Variants in BRD10 observed in about 807,000 individuals in gnomAD.
BRD10 encodes the protein uncharacterized bromodomain-containing protein 10.
chr9:5,952,061 C>CTATTT, the BRD10 span, among the ~76,000 whole-genome samples: 1 of 149,074 alleles, frequency 6.7e-6, no homozygotes, highest in Non-Finnish European at 1.5e-5. Context: ...TCCCTCATTG[C>CTATTT]CCAGCCTGGA....
At chr9:5,922,514 G>T in the BRD10 span, 88 of 1,613,888 alleles carry the variant, frequency 5.5e-5, no homozygotes, top group Non-Finnish European at 6.8e-5. Context: ...TAGTTGGGTA[G>T]AAACAGTTCC....
chr9:5,965,264 T>C, the BRD10 span, among the ~76,000 whole-genome samples: 1 of 151,740 alleles, frequency 6.6e-6, no homozygotes, highest in Non-Finnish European at 1.5e-5. Flanking sequence ...TTCTACAGAA[T>C]ACACAGGTTA....
At chr9:5,907,916 G>A in the BRD10 span, among the ~76,000 whole-genome samples, 3 of 152,224 alleles carry the variant, frequency 2.0e-5, no homozygotes, top group African/African-American at 7.2e-5. Context: ...TAGTGCCACT[G>A]CACTCCAGCC....
the BRD10 span, among the ~76,000 whole-genome samples, chr9:5,932,625 C>G: frequency 6.6e-6 from 1 of 152,128 alleles, no homozygotes; most frequent in African/African-American, 2.4e-5. Context: ...ATATAAGGCA[C>G]TCGAACATAC....
the BRD10 span, among the ~76,000 whole-genome samples, chr9:5,993,334 A>C: frequency 3.0e-4 from 44 of 148,936 alleles, no homozygotes; most frequent in Non-Finnish European, 5.7e-4. Context: ...AAAAAAAAAA[A>C]AACAACTAAA....
At chr9:5,903,299 G>A in the BRD10 span, among the ~76,000 whole-genome samples, 2 of 152,274 alleles carry the variant, frequency 1.3e-5, no homozygotes, top group African/African-American at 2.4e-5. Flanking sequence ...TTCTGTTGTC[G>A]TTGGATGAAG....
chr9:5,984,005 AC>A, the BRD10 span, among the ~76,000 whole-genome samples: 2 of 145,088 alleles, frequency 1.4e-5, no homozygotes, highest in South Asian at 2.2e-4. Context: ...ACACACACAC[AC>A]CCCTCTCCAT....
At chr9:5,921,132 C>G in the BRD10 span, 2 of 1,613,890 alleles carry the variant, frequency 1.2e-6, no homozygotes, top group East Asian at 2.2e-5. Flanking sequence ...ACTGAATTAC[C>G]ACTTGTTGAC....
At chr9:6,005,497 T>C in the BRD10 span, among the ~76,000 whole-genome samples, 1 of 152,174 alleles carries the variant, frequency 6.6e-6, no homozygotes, top group East Asian at 1.9e-4. Flanking sequence ...AGAGGGAGAC[T>C]CAGAGAAAAT....
chr9:5,937,485 A>C, the BRD10 span, among the ~76,000 whole-genome samples: 1 of 152,184 alleles, frequency 6.6e-6, no homozygotes, highest in Non-Finnish European at 1.5e-5. Context: ...CAGTGAGCCG[A>C]GATCATGCCA....
the BRD10 span, among the ~76,000 whole-genome samples, chr9:5,944,501 T>C: frequency 6.6e-6 from 1 of 152,120 alleles, no homozygotes; most frequent in Admixed American, 6.6e-5. Context: ...TTACACTGAA[T>C]TAAAATTTTA....
the BRD10 span, among the ~76,000 whole-genome samples, chr9:5,946,662 G>A: frequency 6.6e-6 from 1 of 152,034 alleles, no homozygotes; most frequent in Non-Finnish European, 1.5e-5. Flanking sequence ...ACCGAACTTG[G>A]TGTACTTGTT....
At chr9:5,963,982 G>T in the BRD10 span, among the ~76,000 whole-genome samples, 1 of 151,888 alleles carries the variant, frequency 6.6e-6, no homozygotes, top group Admixed American at 6.6e-5. Flanking sequence ...GACCATTCAG[G>T]ACATAGGCAT....
chr9:5,924,578 A>ATT, the BRD10 span: 2 of 746,208 alleles, frequency 2.7e-6, no homozygotes, highest in Non-Finnish European at 4.1e-6. Context: ...CATTGACCAT[A>ATT]TTATCTTTTG....
At chr9:5,919,977 T>C in the BRD10 span, 2 of 1,614,004 alleles carry the variant, frequency 1.2e-6, no homozygotes, top group East Asian at 2.2e-5. Context: ...GGAGACTTAA[T>C]TACTGAAGTC....
chr9:5,924,896 G>C, the BRD10 span: 9 of 1,268,286 alleles, frequency 7.1e-6, no homozygotes, highest in Non-Finnish European at 9.4e-6. Context: ...TTAAATTCTT[G>C]GAATCTAAAC....
the BRD10 span, among the ~76,000 whole-genome samples, chr9:5,972,339 G>A: frequency 6.2e-4 from 95 of 152,226 alleles, no homozygotes; most frequent in African/African-American, 2.1e-3. Flanking sequence ...TTTTGAATAC[G>A]AATTAAAAAG....
the BRD10 span, among the ~76,000 whole-genome samples, chr9:5,883,345 G>A: frequency 6.6e-6 from 1 of 151,828 alleles, no homozygotes; most frequent in African/African-American, 2.4e-5. Context: ...CTTGTACACA[G>A]ACAAAGATGA....
the BRD10 span, among the ~76,000 whole-genome samples, chr9:5,955,963 T>C: frequency 6.6e-6 from 1 of 152,182 alleles, no homozygotes. Flanking sequence ...AATGCCAAGA[T>C]GCCTTTCCTC....
Sources: allele counts gnomAD v4.1 joint callset (sites outside exome capture counted in the v4.1 genomes callset), GRCh38; gene constraint gnomAD v4.1.1; transcripts MANE v1.5; gene names NCBI Gene and HGNC (gene_info 2026-07-23, HGNC 2026-07-21).